The following WIF1 variants were observed in gnomAD, a reference collection of about 807,000 sequenced individuals.
The protein encoded by WIF1 is Wnt inhibitory factor 1.
A neutral mutation model predicts 53.5 loss-of-function variants in WIF1; 35 were observed. The ratio of observed to expected loss-of-function variants is 0.65; its 90% CI spans 0.50 to 0.87. WIF1 has a LOEUF of 0.87. WIF1 is among the 40% of genes least tolerant of loss of function. The pLI, the probability that WIF1 is intolerant of heterozygous loss-of-function variation, is 0.00. For synonymous variants in WIF1, 171 were observed against 170.4 expected, an observed-to-expected ratio of 1.00 and a Z score of -0.03; for missense variants, 467 against 476.8, an observed-to-expected ratio of 0.98 and a Z score of 0.19.
chr12:65,064,007 C>T (rs1012481459), intron 6 of WIF1, among the ~76,000 whole-genome samples: 1 of 152,194 alleles, frequency 6.6e-6, no homozygotes, highest in Non-Finnish European at 1.5e-5. Context: ...TTTAGGAGAA[C>T]AAGCTCTTGG....
intron 9 of WIF1, among the ~76,000 whole-genome samples, chr12:65,054,745 T>A (rs1302237618): frequency 1.3e-5 from 2 of 152,234 alleles, no homozygotes; most frequent in East Asian, 3.8e-4. Flanking sequence ...CTACATTTGA[T>A]TTAAAATCTT....
Position 65,062,593 on chromosome 12 carries a change from CAG to C in WIF1, c.731-19_731-18del. The C allele has an allele frequency of 6.3e-7, 1 of 1,595,170 alleles. No individual in the cohort carries two copies. Among genetic ancestry groups the C allele is most frequent in the Non-Finnish European group, 8.6e-7 (1 of 1,167,732 alleles). On this transcript the variant is annotated intron_variant, in intron 6 of 9. Transcript: ENST00000286574. ...AGCAGTTTGCTGTTAGAATGAGTAA[CAG>C]GGGTGTTGCATTAGACAGTAGGTTA...
rs199574534 is a variant in WIF1, at chr12:65,066,740, A to G, written c.635-4T>C. 2 of 1,589,652 alleles carry G rather than the reference A, an allele frequency of 1.3e-6. No individual in the cohort carries two copies. Among genetic ancestry groups the G allele is most frequent in the East Asian group, 2.3e-5 (1 of 43,808 alleles). Reference sequence around the variant, plus strand: ...ATACATCGTGGGGTACAAAGGGCTTATAGGGAGAGAGAACCCTGATTAAGG... The same window carrying G: ...ATACATCGTGGGGTACAAAGGGCTTGTAGGGAGAGAGAACCCTGATTAAGG... On this transcript the variant is annotated splice_region_variant and splice_polypyrimidine_tract_variant and intron_variant, in intron 5 of 9. Transcript: ENST00000286574.
In WIF1 at chr12:65,121,218, G is replaced by C; in HGVS notation, c.-27C>G. The C allele has an allele frequency of 6.9e-7, 1 of 1,446,374 alleles. No individual in the cohort carries two copies. Among genetic ancestry groups the C allele is most frequent in the Non-Finnish European group, 9.2e-7 (1 of 1,092,682 alleles). The allele number at this position is 1,446,374 out of a possible 1,614,324, so 89.6% of individuals were successfully genotyped here. On this transcript the variant is annotated 5_prime_UTR_variant, in exon 1 of 10. Coordinates refer to ENST00000286574, the MANE Select transcript of WIF1 (RefSeq NM_007191.5). ...CTGCTCAGGACCTCCTCGCTGCCGGGAAAACTCCTCGTGCCGCACCTACGC... is the reference window on the plus strand; with the variant it reads ...CTGCTCAGGACCTCCTCGCTGCCGGCAAAACTCCTCGTGCCGCACCTACGC...
chr12:65,093,654 T>C (rs752339513), intron 2 of WIF1, among the ~76,000 whole-genome samples: 2 of 152,112 alleles, frequency 1.3e-5, no homozygotes, highest in Admixed American at 1.3e-4. Context: ...GTCAAGCTGA[T>C]TCATTAAAAA....
chr12:65,088,153 A>C (rs913239274), intron 2 of WIF1, among the ~76,000 whole-genome samples: 1 of 152,158 alleles, frequency 6.6e-6, no homozygotes, highest in Admixed American at 6.6e-5. Flanking sequence ...TATATGGCCA[A>C]CTTCAATTGT....
chr12:65,052,054 G>C (rs1882449261), intron 9 of WIF1, among the ~76,000 whole-genome samples: 1 of 152,156 alleles, frequency 6.6e-6, no homozygotes, highest in Admixed American at 6.5e-5. Context: ...GCATCTATCT[G>C]TTTCCAGATG....
At chr12:65,078,875 T>C (rs1208077038) in intron 2 of WIF1, among the ~76,000 whole-genome samples, 1 of 151,866 alleles carries the variant, frequency 6.6e-6, no homozygotes, top group Non-Finnish European at 1.5e-5. Flanking sequence ...ATTAAAAGGG[T>C]TTGTGAAGGC....
At chr12:65,070,334 G>GA (rs1319211110) in intron 3 of WIF1, among the ~76,000 whole-genome samples, 17 of 151,932 alleles carry the variant, frequency 1.1e-4, no homozygotes, top group African/African-American at 4.1e-4. Context: ...GAAATAAAAA[G>GA]AAAAAACAAA....
At chr12:65,083,780 CCCTTTCCTTTCCTTTCCTTT>C (rs71096021) in intron 2 of WIF1, 5 of 239,736 alleles carry the variant, frequency 2.1e-5, no homozygotes, top group Non-Finnish European at 3.8e-5. Flanking sequence ...TTTTCCCTTT[CCCTTTCCTTTCCTTTCCTTT>C]CCTTTCCTTT....
At chr12:65,112,447 CA>C (rs1307059049) in intron 2 of WIF1, among the ~76,000 whole-genome samples, 4 of 149,966 alleles carry the variant, frequency 2.7e-5, no homozygotes, top group African/African-American at 1.0e-4. Flanking sequence ...CACACACACA[CA>C]CACCATCCTG....
chr12:65,056,267 C>CTT (rs370267621), intron 7 of WIF1, 141 bp from the exon 8 acceptor site: 112 of 486,516 alleles, frequency 2.3e-4, no homozygotes, highest in African/African-American at 8.3e-4. Flanking sequence ...TCTACTCTGG[C>CTT]TTTTTTTTTT....
intron 3 of WIF1, among the ~76,000 whole-genome samples, 180 bp from the exon 4 acceptor site, chr12:65,069,084 G>A (rs895203359): frequency 6.6e-6 from 1 of 152,162 alleles, no homozygotes. Flanking sequence ...CAGAAGTTGA[G>A]CATCATGTCA....
At chr12:65,106,379 T>A (rs1349026334) in intron 2 of WIF1, among the ~76,000 whole-genome samples, 3 of 114,074 alleles carry the variant, frequency 2.6e-5, no homozygotes, top group East Asian at 2.5e-4. Flanking sequence ...ATATATTTTT[T>A]TTTATTTTTT....
rs1249495375 is a variant in WIF1 at position 65,097,341 on chromosome 12, T to C, written c.289-19487A>G. 2.0e-5 allele frequency among the ~76,000 whole-genome samples: 3 copies of C among 152,128 alleles called. No homozygotes were observed. The East Asian group carries it at 5.8e-4, about 29-fold the overall frequency. On this transcript the variant is annotated intron_variant, in intron 2 of 9. Transcript: ENST00000286574. ...GAGAGGACAAGAAACAATAGAGATA[T>C]CTACCTCCATTTCAAAATTGATATT...
In WIF1 at chr12:65,121,162, G is replaced by T. The variant is rs1045689241; in HGVS notation, c.30C>A (p.Ala10=). The T allele has an allele frequency of 1.9e-6, 3 of 1,546,656 alleles. No homozygotes were observed. Among genetic ancestry groups the T allele is most frequent in the Non-Finnish European group, 2.6e-6 (3 of 1,145,494 alleles). MARRSAFPA[A]ALWLWSILLC... ...GGAGGATGCTCCAGAGCCAGAGCGC[G>T]GCGGCAGGGAAGGCGCTCCTCCGGG... Residue 10 remains alanine (A), a synonymous_variant, in exon 1 of 10, where the codon GCC becomes GCA. Coordinates refer to ENST00000286574, the MANE Select transcript of WIF1 (RefSeq NM_007191.5).
chr12:65,068,735 T>A lies in WIF1; in HGVS notation c.538+29A>T, dbSNP rs1019979478. The A allele has an allele frequency of 3.7e-6, 6 of 1,610,228 alleles. No homozygotes were observed. The Admixed American group carries it at 5.0e-5, about 14-fold the overall frequency. ...ATCACACCTAAGCCCTTACAACATG[T>A]CTTCTCTTGAATCACCATCGGTGCT... On this transcript the variant is annotated intron_variant, in intron 4 of 9. Transcript: ENST00000286574.
At chr12:65,056,575 T>C (rs1450001431) in intron 7 of WIF1, among the ~76,000 whole-genome samples, 1 of 151,906 alleles carries the variant, frequency 6.6e-6, no homozygotes, top group Non-Finnish European at 1.5e-5. Flanking sequence ...TCACAAATAC[T>C]TGCTAAGATA....
chr12:65,116,289 G>C (rs1883507803), intron 2 of WIF1, among the ~76,000 whole-genome samples: 1 of 151,674 alleles, frequency 6.6e-6, no homozygotes. Flanking sequence ...CAGTGGGCGA[G>C]TGTTCCCCAT....
Sources: gnomAD v4.1 joint callset for allele counts (sites outside exome capture counted in the v4.1 genomes callset) on GRCh38, gnomAD v4.1.1 for gene constraint, MANE v1.5 for transcripts, NCBI Gene and HGNC (gene_info 2026-07-23, HGNC 2026-07-21) for gene names.